LMBR1: variants seen among roughly 807,000 people sequenced by gnomAD.
LMBR1 encodes the protein limb development membrane protein 1.
In LMBR1, 52 loss-of-function variants were observed where a neutral mutation model predicts 73.9. The ratio of observed to expected loss-of-function variants is 0.70; its 90% CI spans 0.56 to 0.89. The LOEUF (loss-of-function observed/expected upper bound fraction) is 0.89. LMBR1 is among the 40% of genes least tolerant of loss of function. LMBR1 has a pLI of 0.00. For synonymous variants in LMBR1, 215 were observed against 209.4 expected (o/e 1.03, Z -0.23); for missense variants, 539 against 579.8 (o/e 0.93, Z 0.72).
At chr7:156,748,968 C>T (rs1333901310) in intron 9 of LMBR1, among the ~76,000 whole-genome samples, 2 of 152,140 alleles carry the variant, frequency 1.3e-5, no homozygotes, top group Admixed American at 1.3e-4. Context: ...CTATGGGCCA[C>T]ATTTTATTGT....
chr7:156,718,217 T>C (rs144279605), intron 15 of LMBR1, among the ~76,000 whole-genome samples: 4,895 of 151,876 alleles, frequency 0.032, 129 homozygotes, highest in South Asian at 0.089. Context: ...CTGGGCAATA[T>C]GGCATAACCC....
intron 1 of LMBR1, among the ~76,000 whole-genome samples, chr7:156,873,089 C>T (rs1442964309): frequency 1.3e-5 from 2 of 152,178 alleles, no homozygotes; most frequent in African/African-American, 4.8e-5. Context: ...GGTTCTTGGT[C>T]TCACTGACTT....
intron 2 of LMBR1, among the ~76,000 whole-genome samples, chr7:156,834,992 T>G (rs377760532): frequency 2.0e-5 from 3 of 151,976 alleles, no homozygotes; most frequent in African/African-American, 7.3e-5. Flanking sequence ...ATACAAAAAT[T>G]AGCCAGGTGC....
At chr7:156,872,894 C>G (rs1237132894) in intron 1 of LMBR1, among the ~76,000 whole-genome samples, 2 of 152,182 alleles carry the variant, frequency 1.3e-5, no homozygotes, top group African/African-American at 4.8e-5. Context: ...CTGAAAGAAG[C>G]AGATTGCTCC....
At chr7:156,744,249 T>C (rs1342643106) in intron 9 of LMBR1, among the ~76,000 whole-genome samples, 1 of 152,166 alleles carries the variant, frequency 6.6e-6, no homozygotes, top group East Asian at 1.9e-4. Context: ...CTATGGGTAC[T>C]ATTCAGCAAC....
intron 3 of LMBR1, among the ~76,000 whole-genome samples, chr7:156,832,066 G>C (rs1374627169): frequency 2.0e-5 from 3 of 152,292 alleles, no homozygotes; most frequent in East Asian, 3.9e-4. Flanking sequence ...ACAGGGCTAA[G>C]AATAAAACTA....
At chr7:156,737,137 A>G (rs543019240) in intron 9 of LMBR1, among the ~76,000 whole-genome samples, 1 of 152,306 alleles carries the variant, frequency 6.6e-6, no homozygotes, top group African/African-American at 2.4e-5. Context: ...CTTGCTAAGA[A>G]AAGGTGAATG....
intron 1 of LMBR1, chr7:156,892,657 A>C: frequency 1.9e-5 from 5 of 264,306 alleles, no homozygotes; most frequent in East Asian, 7.4e-5. Context: ...TCGGGGCTCG[A>C]ACGGAGGGAG....
chr7:156,890,162 C>T (rs1802640245), intron 1 of LMBR1, among the ~76,000 whole-genome samples: 1 of 152,098 alleles, frequency 6.6e-6, no homozygotes, highest in Admixed American at 6.6e-5. Context: ...AATATGACTC[C>T]TACCTTGCAC....
intron 1 of LMBR1, among the ~76,000 whole-genome samples, chr7:156,861,520 C>T (rs748710553): frequency 1.3e-5 from 2 of 152,200 alleles, no homozygotes; most frequent in Non-Finnish European, 2.9e-5. Flanking sequence ...TATCATTCAG[C>T]TCCTCATTAC....
At chr7:156,841,508 CAGA>C (rs537029043) in intron 1 of LMBR1, among the ~76,000 whole-genome samples, 6 of 152,050 alleles carry the variant, frequency 3.9e-5, no homozygotes, top group Non-Finnish European at 5.9e-5. Flanking sequence ...ATCAGCTTGG[CAGA>C]AGGATTCACA....
intron 2 of LMBR1, chr7:156,834,463 C>G (rs1242531295): frequency 4.5e-6 from 1 of 224,086 alleles, no homozygotes; most frequent in East Asian, 1.7e-4. Flanking sequence ...ATTAACTAGG[C>G]ATGGTGGCAC....
chr7:156,790,786 A>T (rs1177621941), intron 5 of LMBR1, among the ~76,000 whole-genome samples: 1 of 152,198 alleles, frequency 6.6e-6, no homozygotes, highest in Non-Finnish European at 1.5e-5. Context: ...ATGATTTTTA[A>T]ATGAAATAAA....
chr7:156,799,553 T>C (rs1265637919), intron 4 of LMBR1, among the ~76,000 whole-genome samples: 1 of 144,184 alleles, frequency 6.9e-6, no homozygotes, highest in Non-Finnish European at 1.6e-5. Flanking sequence ...TGCTTGGCTG[T>C]TCCTTCATCT....
At chr7:156,675,845 G>A (rs1462241285), downstream of LMBR1, 1 of 1,613,700 alleles carries the variant, frequency 6.2e-7, no homozygotes, top group African/African-American at 1.3e-5. Context: ...AAGAGGAATG[G>A]GAGAAAATCC....
At chr7:156,880,839 G>GA (rs1800975969) in intron 1 of LMBR1, among the ~76,000 whole-genome samples, 1 of 152,102 alleles carries the variant, frequency 6.6e-6, no homozygotes, top group African/African-American at 2.4e-5. Context: ...TTTTAGTAGA[G>GA]ACAAGGTTTC....
intron 9 of LMBR1, chr7:156,736,447 T>C (rs780295589): frequency 4.5e-6 from 2 of 448,310 alleles, no homozygotes; most frequent in Non-Finnish European, 9.0e-6. Context: ...GGTTTTATCT[T>C]TATCAAGATG....
chr7:156,755,698 CAGTCTAAAAG>C (rs1351657304), intron 9 of LMBR1, among the ~76,000 whole-genome samples: 1 of 152,122 alleles, frequency 6.6e-6, no homozygotes, highest in African/African-American at 2.4e-5. Flanking sequence ...TATGTAGTTC[CAGTCTAAAAG>C]TTTATCTGTA....
chr7:156,681,332 A>G lies in LMBR1; in HGVS notation c.*2746T>C. 3.0e-6 allele frequency: 1 copy of G among 334,518 alleles called. No individual in the cohort carries two copies. Among genetic ancestry groups the G allele is most frequent in the Non-Finnish European group, 5.7e-6 (1 of 173,996 alleles). 20.7% of individuals were successfully genotyped at this position (334,518 alleles called of 1,614,324 possible). On this transcript the variant is annotated 3_prime_UTR_variant, in exon 17 of 17. Transcript: ENST00000353442. ...CGAGAGGCTCCGTCCATCTCTACTA[A>G]CCAGCACCTTAGTGCAGCAATTTAA...
Sources: allele counts gnomAD v4.1 joint callset (sites outside exome capture counted in the v4.1 genomes callset), GRCh38; gene constraint gnomAD v4.1.1; transcripts MANE v1.5; gene names NCBI Gene and HGNC (gene_info 2026-07-23, HGNC 2026-07-21).